The following OTUD7A variants were observed in gnomAD, a reference collection of about 807,000 sequenced individuals.
OTUD7A encodes the protein OTU domain-containing protein 7A.
In OTUD7A, 12 loss-of-function variants were observed where a neutral mutation model predicts 65.7. The ratio of observed to expected loss-of-function variants is 0.18; its 90% confidence interval spans 0.12 to 0.30. The LOEUF (loss-of-function observed/expected upper bound fraction) is 0.30. Among genes scored for constraint, OTUD7A ranks in the 10% least tolerant of loss-of-function variants. The pLI is 1.00. For missense variants in OTUD7A, 1,148 were observed against 1,304.8 expected (o/e 0.88, Z 1.85); for synonymous variants, 641 against 586.3 (o/e 1.09, Z -1.35).
intron 1 of OTUD7A, among the ~76,000 whole-genome samples, chr15:31,764,323 T>A (rs1488073282): frequency 6.6e-6 from 1 of 152,144 alleles, no homozygotes; most frequent in Non-Finnish European, 1.5e-5. Flanking sequence ...AGGTTTTTAA[T>A]AAAAATCAGT....
At chr15:31,745,329 G>C (rs1894447544) in intron 1 of OTUD7A, among the ~76,000 whole-genome samples, 1 of 152,014 alleles carries the variant, frequency 6.6e-6, no homozygotes, top group Non-Finnish European at 1.5e-5. Context: ...TATGATATGG[G>C]CATGAAGGCA....
intron 1 of OTUD7A, among the ~76,000 whole-genome samples, chr15:31,741,815 G>C (rs1359001405): frequency 6.6e-6 from 1 of 151,978 alleles, no homozygotes; most frequent in South Asian, 2.1e-4. Context: ...TTAGAAGAAA[G>C]ACAATGATGA....
chr15:31,674,254 A>G (rs2141298808), intron 1 of OTUD7A, among the ~76,000 whole-genome samples: 1 of 152,334 alleles, frequency 6.6e-6, no homozygotes, highest in South Asian at 2.1e-4. Context: ...CAGTGTGTCC[A>G]GGAGAGCCGG....
At chr15:31,711,471 A>T (rs992043388) in intron 1 of OTUD7A, among the ~76,000 whole-genome samples, 4 of 149,678 alleles carry the variant, frequency 2.7e-5, no homozygotes, top group Non-Finnish European at 5.9e-5. Flanking sequence ...TTATATCACC[A>T]CTCTCCAGAA....
chr15:31,483,998 G>A lies in OTUD7A; in HGVS notation c.2098C>T (p.Arg700Trp). ...TCCGTCTCCGGTCTGCGCGGCGGCCGCTTGGCCGTGGCGGCGGCGGCGGCG... is the reference window on the plus strand; with the variant it reads ...TCCGTCTCCGGTCTGCGCGGCGGCCACTTGGCCGTGGCGGCGGCGGCGGCG... ...AAAAAAATAK[R>W]PPRRPETEGV... Residue 700 changes from arginine to tryptophan, a missense_variant, in exon 13 of 13, where the codon CGG (arginine) becomes TGG (tryptophan). Transcript: ENST00000307050. 2 of 1,125,992 alleles carry A rather than the reference G, an allele frequency of 1.8e-6. No homozygotes were observed. The highest frequency in any genetic ancestry group is 2.2e-6 in the Non-Finnish European group (2 of 927,874). The allele number at this position is 1,125,992 out of a possible 1,614,324, so 69.8% of individuals were successfully genotyped here. A position where few individuals can be genotyped will look rare whatever the true frequency, so the allele number is the denominator to read the frequency against.
At chr15:31,847,444 A>C (rs1358150405) in intron 1 of OTUD7A, among the ~76,000 whole-genome samples, 1 of 152,106 alleles carries the variant, frequency 6.6e-6, no homozygotes, top group African/African-American at 2.4e-5. Context: ...GCTATTTGTA[A>C]AGGTCCCAGG....
chr15:31,744,389 T>C (rs1004199676), intron 1 of OTUD7A, among the ~76,000 whole-genome samples: 3 of 151,970 alleles, frequency 2.0e-5, no homozygotes, highest in Non-Finnish European at 4.4e-5. Flanking sequence ...AAATGAAAAA[T>C]AATCAAGACC....
chr15:31,494,952 T>A (rs2141073587), intron 10 of OTUD7A, among the ~76,000 whole-genome samples: 1 of 152,312 alleles, frequency 6.6e-6, no homozygotes, highest in East Asian at 1.9e-4. Flanking sequence ...AAACTGCACA[T>A]CACACAGAGA....
At chr15:31,864,778 C>G (rs1897834941) in intron 1 of OTUD7A, among the ~76,000 whole-genome samples, 1 of 151,974 alleles carries the variant, frequency 6.6e-6, no homozygotes, top group Non-Finnish European at 1.5e-5. Flanking sequence ...CACACACACA[C>G]ACACACACAC....
intron 1 of OTUD7A, among the ~76,000 whole-genome samples, chr15:31,681,468 T>C (rs1449243067): frequency 2.0e-5 from 3 of 150,038 alleles, no homozygotes; most frequent in East Asian, 1.9e-4. Flanking sequence ...CCATCTGGAG[T>C]CTCAATGTTT....
Position 31,529,257 on chromosome 15 carries a change from T to C in OTUD7A, c.652+1450A>G, listed in dbSNP as rs541874066. ...GTTTTAGAAAGAACAAGGCAAAATA[T>C]GCTCAATAACAGGGGAATAGTTAAT... is the stretch of plus-strand genomic sequence containing the variant. On this transcript the variant is annotated intron_variant, in intron 6 of 12. Transcript: ENST00000307050. Among the ~76,000 whole-genome samples the C allele has an allele frequency of 9.8e-5, 15 of 152,330 alleles. No homozygotes were observed. In the South Asian group the frequency reaches 3.1e-3, roughly 32 times the overall value.
At chr15:31,799,619 C>T (rs1307974476) in intron 1 of OTUD7A, among the ~76,000 whole-genome samples, 2 of 152,202 alleles carry the variant, frequency 1.3e-5, no homozygotes, top group East Asian at 3.9e-4. Flanking sequence ...AAGAAGAGGG[C>T]CCTCATCAGA....
chr15:31,628,986 T>C (rs1233914401), intron 3 of OTUD7A, among the ~76,000 whole-genome samples: 1 of 152,176 alleles, frequency 6.6e-6, no homozygotes, highest in Non-Finnish European at 1.5e-5. Flanking sequence ...CTTAAGGAGA[T>C]TTTGGGCTGA....
chr15:31,589,478 T>TTTTC (rs1889654189), intron 3 of OTUD7A, among the ~76,000 whole-genome samples: 1 of 150,220 alleles, frequency 6.7e-6, no homozygotes, highest in African/African-American at 2.5e-5. Flanking sequence ...TTTTTTTTTT[T>TTTTC]TTTCTGTAGA....
chr15:31,529,804 G>C (rs2141121558), intron 6 of OTUD7A, among the ~76,000 whole-genome samples: 1 of 152,292 alleles, frequency 6.6e-6, no homozygotes, highest in Non-Finnish European at 1.5e-5. Context: ...CCCAGTTAAA[G>C]CCATGTTTGT....
At chr15:31,809,046 C>T (rs1896353899) in intron 1 of OTUD7A, among the ~76,000 whole-genome samples, 1 of 152,192 alleles carries the variant, frequency 6.6e-6, no homozygotes, top group Non-Finnish European at 1.5e-5. Flanking sequence ...GACCATGAGA[C>T]AGACTCTGAC....
chr15:31,532,933 C>G (rs1027688526), intron 5 of OTUD7A, among the ~76,000 whole-genome samples: 1 of 56,476 alleles, frequency 1.8e-5, no homozygotes, highest in African/African-American at 4.5e-5. Context: ...GACTCCGTAT[C>G]AAAAAAAAAA....
Position 31,498,864 on chromosome 15 carries a change from C to A in OTUD7A, c.1171+2826G>T, listed in dbSNP as rs1211884763. ...GCCACTGAGGTTGCCCATAGCTGACCAGTCCCACCAGCTCCTGACCTTCCA... is the reference window on the plus strand; with the variant it reads ...GCCACTGAGGTTGCCCATAGCTGACAAGTCCCACCAGCTCCTGACCTTCCA... On this transcript the variant is annotated intron_variant, in intron 10 of 12. Transcript: ENST00000307050. The surrounding 1 kb of genome is among the most constrained non-coding windows in gnomAD (Gnocchi z 4.2). Among the ~76,000 whole-genome samples, 2 of 152,214 alleles carry A rather than the reference C, an allele frequency of 1.3e-5. No homozygotes were observed. The highest frequency in any genetic ancestry group is 2.9e-5 in the Non-Finnish European group (2 of 68,034).
intron 1 of OTUD7A, among the ~76,000 whole-genome samples, chr15:31,788,425 T>C (rs1315285193): frequency 1.3e-5 from 2 of 152,210 alleles, no homozygotes; most frequent in Non-Finnish European, 2.9e-5. Context: ...GATGGTCCTT[T>C]CCTCCTTCTC....
Sources: gnomAD v4.1 joint callset for allele counts (sites outside exome capture counted in the v4.1 genomes callset) on GRCh38, gnomAD v4.1.1 for gene constraint, Gnocchi (gnomAD v3.1) non-coding constraint, MANE v1.5 for transcripts, NCBI Gene and HGNC (gene_info 2026-07-23, HGNC 2026-07-21) for gene names.